Variants in FAM20C observed in about 807,000 individuals in gnomAD.
The protein encoded by FAM20C is FAM20C golgi associated secretory pathway kinase.
A neutral mutation model predicts 51.5 loss-of-function variants in FAM20C; 40 were observed. The ratio of observed to expected loss-of-function variants is 0.78; its 90% CI spans 0.60 to 1.01. The LOEUF (loss-of-function observed/expected upper bound fraction) is 1.01, where lower values mean the gene tolerates loss of function less well. Among genes scored for constraint, FAM20C ranks in the 50% least tolerant of loss-of-function variants. The pLI is 0.00. For synonymous variants in FAM20C, 406 were observed against 380.6 expected, an observed-to-expected ratio of 1.07 and a Z score of -0.78; for missense variants, 861 against 844.7, an observed-to-expected ratio of 1.02 and a Z score of -0.24.
chr7:259,077 T>A (rs1018770624), intron 9 of FAM20C, among the ~76,000 whole-genome samples: 1 of 152,218 alleles, frequency 6.6e-6, no homozygotes, highest in African/African-American at 2.4e-5. Flanking sequence ...CAGACCCCCT[T>A]TCCCCCGTTT....
chr7:209,587 C>T (rs1021375067), intron 3 of FAM20C, among the ~76,000 whole-genome samples: 2 of 152,198 alleles, frequency 1.3e-5, no homozygotes, highest in Non-Finnish European at 2.9e-5. Context: ...CACAGCGCTC[C>T]GTGGCACGCG....
At chr7:254,376 G>T (rs1788513401) in intron 5 of FAM20C, among the ~76,000 whole-genome samples, 1 of 152,252 alleles carries the variant, frequency 6.6e-6, no homozygotes, top group Non-Finnish European at 1.5e-5. Context: ...TGTGAGTGAG[G>T]TTCGGGGCTC....
At chr7:244,631 T>C (rs1788077074) in intron 3 of FAM20C, among the ~76,000 whole-genome samples, 1 of 152,202 alleles carries the variant, frequency 6.6e-6, no homozygotes, top group African/African-American at 2.4e-5. Context: ...CCAACCCTCC[T>C]TTGCTGCTGG....
chr7:216,718 T>C (rs1322182958), intron 3 of FAM20C, among the ~76,000 whole-genome samples: 1 of 151,336 alleles, frequency 6.6e-6, no homozygotes, highest in African/African-American at 2.4e-5. Context: ...TGTGTGTGTG[T>C]GTGTGTGTCC....
In FAM20C at chr7:193,557, G is replaced by A; in HGVS notation, c.358G>A (p.Ala120Thr). 6.7e-7 allele frequency: 1 copy of A among 1,496,502 alleles called. No homozygotes were observed. The highest frequency in any genetic ancestry group is 8.9e-7 in the Non-Finnish European group (1 of 1,120,600). The allele number at this position is 1,496,502 out of a possible 1,614,324, so 92.7% of individuals were successfully genotyped here. ...LPPAAEPAER[A>T]LRGRDPGALR... ...GCCCGCGGCCGAGCCGGCCGAGCGC[G>A]CCTTGCGGGGGCGGGATCCCGGCGC... The change falls in exon 1 of 10, where the codon GCC becomes ACC. Residue 120 changes from alanine to threonine, a missense_variant. By Grantham distance (58) the Ala-to-Thr change is moderately conservative. Around this residue, in one of 3 missense-constraint regions of FAM20C, gnomAD observed 561 missense variants for 499.8 expected, o/e 1.12. Coordinates refer to ENST00000313766, the MANE Select transcript of FAM20C (RefSeq NM_020223.4).
chr7:193,709 C>T lies in FAM20C; in HGVS notation c.510C>T (p.Tyr170=). ...LLARLFEHPL[Y]RVAVPPLTEE... is the part of the protein sequence containing the mutation. The stretch of plus-strand genomic sequence containing the variant: ...CCAGGCTGTTCGAGCACCCGCTTTA[C>T]CGGGTGGCGGTTCCGCCGCTCACGG... Residue 170 remains tyrosine (Y), a synonymous_variant, in exon 1 of 10, where the codon TAC becomes TAT. Coordinates refer to ENST00000313766, the MANE Select transcript of FAM20C (RefSeq NM_020223.4). 2 of 1,546,570 alleles carry T rather than the reference C, an allele frequency of 1.3e-6. No individual in the cohort carries two copies. Among genetic ancestry groups the T allele is most frequent in the South Asian group, 2.4e-5 (2 of 83,870 alleles).
chr7:214,928 C>A (rs568828904), intron 3 of FAM20C, among the ~76,000 whole-genome samples: 3 of 152,128 alleles, frequency 2.0e-5, no homozygotes, highest in Admixed American at 1.3e-4. Flanking sequence ...CTCGGAGTGC[C>A]GGGCCTGGCC....
intron 3 of FAM20C, among the ~76,000 whole-genome samples, chr7:223,248 A>T (rs528812964): frequency 2.0e-5 from 3 of 152,138 alleles, no homozygotes; most frequent in Non-Finnish European, 4.4e-5. Context: ...TCCCAGCCTC[A>T]CAGGGATGGA....
At chr7:207,550 G>A (rs112996021) in intron 2 of FAM20C, among the ~76,000 whole-genome samples, 8 of 152,314 alleles carry the variant, frequency 5.3e-5, no homozygotes, top group Non-Finnish European at 1.0e-4. Context: ...CAGGGCCCCC[G>A]CCCCGCTTCC....
chr7:226,487 G>A (rs1404763589), intron 3 of FAM20C, among the ~76,000 whole-genome samples: 2 of 152,192 alleles, frequency 1.3e-5, no homozygotes, highest in African/African-American at 4.8e-5. Context: ...AGGGAGGAGG[G>A]AGTCGCTGTC....
rs570061195 is a variant in FAM20C, at chr7:207,775, G to A, written c.785-1123G>A. 1.1e-4 allele frequency among the ~76,000 whole-genome samples: 17 copies of A among 152,336 alleles called. No homozygotes were observed. In the East Asian group the frequency reaches 2.3e-3, roughly 21 times the overall value. On this transcript the variant is annotated intron_variant, in intron 2 of 9. Coordinates refer to ENST00000313766, the MANE Select transcript of FAM20C (RefSeq NM_020223.4). ...CGCGTGACAATCTCCCATCTCGGGC[G>A]ACCTGGAGGCCCTCGCTGTGGCCAG... is the stretch of plus-strand genomic sequence containing the variant.
rs1583348182 is a variant in FAM20C, at chr7:258,627, T to C, written c.1446-19T>C. 1.3e-6 allele frequency: 2 copies of C among 1,536,682 alleles called. No individual in the cohort carries two copies. Among genetic ancestry groups the C allele is most frequent in the East Asian group, 4.9e-5 (2 of 40,920 alleles). On this transcript the variant is annotated intron_variant, in intron 8 of 9. Transcript: ENST00000313766. ...ACCTTGTACAGGGGCCCTTGACAAT[T>C]CTGCTTTTCTTCTGGAAGGTTTGGG...
At chr7:246,150 G>T (rs1221292009) in intron 3 of FAM20C, 141 of 387,910 alleles carry the variant, frequency 3.6e-4, no homozygotes, top group Middle Eastern at 1.5e-3. Context: ...CCGTCGCAAG[G>T]GCCTGCGCTG....
intron 3 of FAM20C, among the ~76,000 whole-genome samples, chr7:216,662 TG>T (rs1021366307): frequency 2.2e-5 from 3 of 136,688 alleles, no homozygotes; most frequent in African/African-American, 8.2e-5. Flanking sequence ...AGTGTGTGTG[TG>T]AGAGACAGAG....
Position 193,691 on chromosome 7 carries a change from G to A in FAM20C, c.492G>A (p.Leu164=), listed in dbSNP as rs770065356. The A allele has an allele frequency of 1.9e-6, 3 of 1,545,724 alleles. No homozygotes were observed. The highest frequency in any genetic ancestry group is 2.4e-5 in the South Asian group (2 of 83,842). Residue 164 remains leucine, a synonymous_variant, in exon 1 of 10, where the codon CTG becomes CTA. Transcript: ENST00000313766. Reference sequence around the variant, plus strand: ...GAGACGCCTCCCTCCTGGCCAGGCTGTTCGAGCACCCGCTTTACCGGGTGG... The same window carrying A: ...GAGACGCCTCCCTCCTGGCCAGGCTATTCGAGCACCCGCTTTACCGGGTGG... ...PGGDASLLAR[L]FEHPLYRVAV...
intron 5 of FAM20C, among the ~76,000 whole-genome samples, chr7:251,715 G>A (rs1158680750): frequency 3.3e-5 from 5 of 152,196 alleles, no homozygotes; most frequent in African/African-American, 9.6e-5. Context: ...CCCTTCTCAC[G>A]TCTCCCTGGA....
chr7:193,777 G>C lies in FAM20C; in HGVS notation c.578G>C (p.Ser193Thr). ...LFNVNSDTRL[S>T]PKAAENPDWP... ...AATGTGAACAGCGACACCAGGCTCA[G>C]CCCCAAAGCGGCGGAGAACCCGGAC... Residue 193 changes from serine (S) to threonine (T), a missense_variant, in exon 1 of 10, where the codon AGC (serine) becomes ACC (threonine). Around this residue, in one of 3 missense-constraint regions of FAM20C, gnomAD observed 561 missense variants for 499.8 expected, o/e 1.12. Transcript: ENST00000313766. 6.4e-7 allele frequency: 1 copy of C among 1,552,948 alleles called. No individual in the cohort carries two copies. Among genetic ancestry groups the C allele is most frequent in the Middle Eastern group, 1.7e-4 (1 of 5,848 alleles).
chr7:222,465 C>T (rs1489122027), intron 3 of FAM20C, among the ~76,000 whole-genome samples: 1 of 152,136 alleles, frequency 6.6e-6, no homozygotes, highest in Non-Finnish European at 1.5e-5. Context: ...AAGCAGATGC[C>T]TGGTGAAGAA....
intron 4 of FAM20C, among the ~76,000 whole-genome samples, chr7:247,442 C>G (rs149826167): frequency 6.6e-6 from 1 of 152,074 alleles, no homozygotes; most frequent in Non-Finnish European, 1.5e-5. Context: ...GCCCCAGGGC[C>G]GGCAGCATTG....
Sources: gnomAD v4.1 joint callset for allele counts (sites outside exome capture counted in the v4.1 genomes callset) on GRCh38, gnomAD v4.1.1 for gene constraint, gnomAD v4.1.1 regional missense constraint, MANE v1.5 for transcripts, NCBI Gene and HGNC (gene_info 2026-07-23, HGNC 2026-07-21) for gene names.